The following TRAPPC9 variants were observed in gnomAD, a reference collection of about 807,000 sequenced individuals.
The protein encoded by TRAPPC9 is IKK2 binding protein.
Under a neutral mutation model 124.0 loss-of-function variants are expected in TRAPPC9, and 83 were observed. That is an observed-to-expected ratio of 0.67 (90% CI 0.56 to 0.80). TRAPPC9 has a LOEUF of 0.80. Ranked by LOEUF, TRAPPC9 falls within the 30% of genes least tolerant of loss-of-function variation. TRAPPC9 has a pLI of 0.00. For synonymous variants in TRAPPC9, 638 were observed against 617.5 expected (o/e 1.03, Z -0.49); for missense variants, 1,302 against 1,508.3 (o/e 0.86, Z 2.27).
At chr8:140,159,237 T>G (rs2061704742) in intron 17 of TRAPPC9, among the ~76,000 whole-genome samples, 2 of 152,210 alleles carry the variant, frequency 1.3e-5, no homozygotes, top group Admixed American at 1.3e-4. Context: ...AGATTTAAAA[T>G]GCCTAAATCT....
At chr8:140,247,975 T>C (rs952499152) in intron 16 of TRAPPC9, among the ~76,000 whole-genome samples, 1 of 152,258 alleles carries the variant, frequency 6.6e-6, no homozygotes, top group Non-Finnish European at 1.5e-5. Context: ...TGGGTTTTTG[T>C]AATTTTTATC....
intron 21 of TRAPPC9, among the ~76,000 whole-genome samples, chr8:139,829,118 T>TAG (rs142042303): frequency 0.015 from 2,239 of 152,312 alleles, 56 homozygotes; most frequent in African/African-American, 0.05. Flanking sequence ...CGTCTATATT[T>TAG]AGAGAGTTTC....
At chr8:140,345,126 T>G (rs2067304864) in intron 9 of TRAPPC9, among the ~76,000 whole-genome samples, 1 of 152,224 alleles carries the variant, frequency 6.6e-6, no homozygotes, top group Non-Finnish European at 1.5e-5. Context: ...GCACCATGAA[T>G]GCAAAGACCA....
chr8:139,902,571 C>T lies in TRAPPC9; in HGVS notation c.2964+7576G>A, dbSNP rs368667127. Among the ~76,000 whole-genome samples the T allele has an allele frequency of 2.7e-3, 411 of 152,296 alleles. 2 individuals are homozygous for T. Among genetic ancestry groups the T allele is most frequent in the South Asian group, 0.015 (71 of 4,828 alleles). Reference sequence around the variant, plus strand: ...AATCAGCTGTACTGATGGCAGGAGCCGTTTATAGTAAAATTCATTTAGAGA... The same window carrying T: ...AATCAGCTGTACTGATGGCAGGAGCTGTTTATAGTAAAATTCATTTAGAGA... On this transcript the variant is annotated intron_variant, in intron 20 of 22. Coordinates refer to ENST00000438773, the MANE Select transcript of TRAPPC9 (RefSeq NM_001160372.4).
intron 17 of TRAPPC9, among the ~76,000 whole-genome samples, chr8:140,195,776 A>G (rs1359369004): frequency 1.3e-5 from 2 of 152,028 alleles, no homozygotes; most frequent in Admixed American, 6.6e-5. Context: ...CTGTGACACT[A>G]AAACACATTG....
intron 17 of TRAPPC9, 24 bp from the exon 18 acceptor site, chr8:140,024,103 T>C (rs74316023): frequency 1.3e-6 from 2 of 1,594,206 alleles, no homozygotes; most frequent in Non-Finnish European, 8.6e-7. Context: ...AAAAAAAAAA[T>C]ACACACACAC....
chr8:140,023,786 GA>G, intron 18 of TRAPPC9, 150 bp downstream of exon 18: 2 of 1,208,472 alleles, frequency 1.7e-6, no homozygotes, highest in African/African-American at 1.5e-5. Context: ...GTTTCCTAAA[GA>G]AAAACCTACA....
chr8:140,337,192 C>G (rs2067066358), intron 9 of TRAPPC9, among the ~76,000 whole-genome samples: 3 of 152,176 alleles, frequency 2.0e-5, no homozygotes, highest in African/African-American at 7.2e-5. Flanking sequence ...CTTACTGCCT[C>G]CTCCTCGTAA....
chr8:139,788,227 C>T lies in TRAPPC9; in HGVS notation c.3056-56025G>A, dbSNP rs1435100847. ...CTGGCAGGGCAGCCCCTCCTGTGGC[C>T]CAGGACTCTGCTGAGCTTCAGGTCC... On this transcript the variant is annotated intron_variant, in intron 21 of 22. Coordinates refer to ENST00000438773, the MANE Select transcript of TRAPPC9 (RefSeq NM_001160372.4). The surrounding 1 kb of genome is among the most constrained non-coding windows in gnomAD (Gnocchi z 4.9). Among the ~76,000 whole-genome samples, 1 of 152,156 alleles carries T rather than the reference C, an allele frequency of 6.6e-6. No homozygotes were observed. Among genetic ancestry groups the T allele is most frequent in the Non-Finnish European group, 1.5e-5 (1 of 68,024 alleles).
At chr8:139,819,654 A>C (rs951239695) in intron 21 of TRAPPC9, among the ~76,000 whole-genome samples, 2 of 152,194 alleles carry the variant, frequency 1.3e-5, no homozygotes, top group African/African-American at 4.8e-5. Flanking sequence ...CAAACCCAGC[A>C]GTGCATCGAA....
At chr8:140,357,388 C>A (rs1383756575) in intron 9 of TRAPPC9, among the ~76,000 whole-genome samples, 1 of 152,116 alleles carries the variant, frequency 6.6e-6, no homozygotes, top group Non-Finnish European at 1.5e-5. Flanking sequence ...CGTGTCACCA[C>A]AACTCACCAA....
chr8:140,191,815 G>A (rs954369318), intron 17 of TRAPPC9, among the ~76,000 whole-genome samples: 81 of 152,308 alleles, frequency 5.3e-4, no homozygotes, highest in African/African-American at 1.9e-3. Flanking sequence ...TCCACGAAAA[G>A]GCAGAGGTCA....
chr8:139,963,198 G>A (rs79759731), intron 19 of TRAPPC9, among the ~76,000 whole-genome samples: 72 of 152,166 alleles, frequency 4.7e-4, no homozygotes, highest in African/African-American at 1.7e-3. Flanking sequence ...CATAGAAATC[G>A]GTGATAATAC....
At chr8:140,448,827 G>A (rs943011929) in intron 2 of TRAPPC9, among the ~76,000 whole-genome samples, 6 of 152,216 alleles carry the variant, frequency 3.9e-5, no homozygotes, top group South Asian at 2.1e-4. Context: ...GAAAGGCCCC[G>A]GGCCTCAGAG....
intron 9 of TRAPPC9, among the ~76,000 whole-genome samples, chr8:140,319,893 TTGA>T (rs1228755333): frequency 6.6e-6 from 1 of 152,232 alleles, no homozygotes; most frequent in Non-Finnish European, 1.5e-5. Context: ...GGACACTGGC[TTGA>T]AAACCAGTGC....
intron 18 of TRAPPC9, among the ~76,000 whole-genome samples, chr8:140,020,534 G>T (rs1207011257): frequency 6.6e-6 from 1 of 152,016 alleles, no homozygotes; most frequent in Non-Finnish European, 1.5e-5. Flanking sequence ...GGCAAGGCAG[G>T]ACAATCACTT....
chr8:140,128,972 A>AAAAT (rs1209990521), intron 17 of TRAPPC9, among the ~76,000 whole-genome samples: 178 of 123,176 alleles, frequency 1.4e-3, no homozygotes, highest in African/African-American at 4.5e-3. Flanking sequence ...ACTATAATAA[A>AAAAT]ATATATATAT....
At chr8:139,895,313 T>A (rs1319183546) in intron 20 of TRAPPC9, among the ~76,000 whole-genome samples, 2 of 152,096 alleles carry the variant, frequency 1.3e-5, no homozygotes, top group Non-Finnish European at 2.9e-5. Flanking sequence ...TGAAATAATA[T>A]GAGAAGTTTC....
intron 9 of TRAPPC9, among the ~76,000 whole-genome samples, chr8:140,337,223 T>A (rs909119755): frequency 6.6e-6 from 1 of 152,082 alleles, no homozygotes; most frequent in African/African-American, 2.4e-5. Flanking sequence ...CAATGATCCC[T>A]CTAACCATGA....
Sources: gnomAD v4.1 joint callset for allele counts (sites outside exome capture counted in the v4.1 genomes callset) on GRCh38, gnomAD v4.1.1 for gene constraint, Gnocchi (gnomAD v3.1) non-coding constraint, MANE v1.5 for transcripts, NCBI Gene and HGNC (gene_info 2026-07-23, HGNC 2026-07-21) for gene names.